SLC25A36: variants seen among roughly 807,000 people sequenced by gnomAD.
SLC25A36 encodes solute carrier family 25 member 36.
In SLC25A36, 24 loss-of-function variants were observed where a neutral mutation model predicts 35.3. That is an observed-to-expected ratio of 0.68 (90% CI 0.49 to 0.96). The LOEUF is 0.96. Among genes scored for constraint, SLC25A36 ranks in the 40% least tolerant of loss-of-function variants. The pLI is 0.00. For synonymous variants in SLC25A36, 141 were observed against 132.2 expected (o/e 1.07, Z -0.46); for missense variants, 294 against 381.1 (o/e 0.77, Z 1.90).
At chr3:140,974,264 T>C (rs1306003066) in intron 6 of SLC25A36, among the ~76,000 whole-genome samples, 1 of 152,038 alleles carries the variant, frequency 6.6e-6, no homozygotes, top group African/African-American at 2.4e-5. Flanking sequence ...TTGGTGACTT[T>C]TGGGCAAGTT....
At position 140,974,001 on chromosome 3, in the gene SLC25A36, A is replaced by G; in HGVS notation, c.738A>G (p.Pro246=). ...SKTCATTIAY[P]HEVVRTRLRE... is the part of the protein sequence containing the mutation. ...CTTGTGCCACAACTATAGCATATCC[A>G]CATGGTAAGAAGAGTTATCTATTAA... The change falls in exon 6 of 7, where the codon CCA becomes CCG. Residue 246 remains proline (P), a synonymous_variant. Transcript: ENST00000324194. 2 of 1,538,868 alleles carry G rather than the reference A, an allele frequency of 1.3e-6. No homozygotes were observed. Among genetic ancestry groups the G allele is most frequent in the South Asian group, 2.5e-5 (2 of 78,464 alleles).
chr3:140,946,867 T>A (rs1298749173), intron 1 of SLC25A36, among the ~76,000 whole-genome samples: 1 of 152,122 alleles, frequency 6.6e-6, no homozygotes, highest in Non-Finnish European at 1.5e-5. Context: ...GAAAGAGGAT[T>A]GGACTAGGGA....
At chr3:140,972,722 C>G (rs1934938269) in intron 5 of SLC25A36, 1 of 152,098 alleles carries the variant, frequency 6.6e-6, no homozygotes, top group Non-Finnish European at 1.5e-5. Flanking sequence ...GAGGAAGGAT[C>G]TTTAATGAAA....
At chr3:140,949,708 A>G (rs1375986290) in intron 1 of SLC25A36, among the ~76,000 whole-genome samples, 1 of 152,252 alleles carries the variant, frequency 6.6e-6, no homozygotes, top group African/African-American at 2.4e-5. Flanking sequence ...TTGATGTTAC[A>G]AAGTAATGAA....
At chr3:140,962,547 C>T (rs1423826918) in intron 3 of SLC25A36, among the ~76,000 whole-genome samples, 1 of 152,118 alleles carries the variant, frequency 6.6e-6, no homozygotes, top group Non-Finnish European at 1.5e-5. Flanking sequence ...ATGTGAATTA[C>T]TGTGTGTGTA....
At chr3:140,976,233 G>A in intron 6 of SLC25A36, 27 bp from the exon 7 acceptor site, 1 of 1,449,754 alleles carries the variant, frequency 6.9e-7, no homozygotes, top group East Asian at 2.3e-5. Context: ...TATCAGTAAT[G>A]TTTAATTTTA....
chr3:140,966,684 T>C, intron 4 of SLC25A36: 1 of 342,122 alleles, frequency 2.9e-6, no homozygotes, highest in Non-Finnish European at 5.8e-6. Context: ...TAAGGCAGAA[T>C]TGATCTTCTT....
At position 140,973,740 on chromosome 3, in the gene SLC25A36, T is replaced by A; in HGVS notation, c.477T>A (p.Gly159=). 6.6e-7 allele frequency: 1 copy of A among 1,526,312 alleles called. No individual in the cohort carries two copies. The highest frequency in any genetic ancestry group is 1.9e-5 in the Admixed American group (1 of 53,822). The allele number at this position is 1,526,312 out of a possible 1,614,324, so 94.5% of individuals were successfully genotyped here. Residue 159 remains glycine, a synonymous_variant, in exon 6 of 7, where the codon GGT becomes GGA. Coordinates refer to ENST00000324194, the MANE Select transcript of SLC25A36 (RefSeq NM_001104647.3). The part of the protein sequence containing the change: ...DARNRGERRM[G]AFECVRKVYQ... Reference sequence around the variant, plus strand: ...GGAACCGCGGGGAAAGGCGAATGGGTGCTTTTGAATGTGTTCGTAAAGTGT... The same window carrying A: ...GGAACCGCGGGGAAAGGCGAATGGGAGCTTTTGAATGTGTTCGTAAAGTGT...
intron 1 of SLC25A36, among the ~76,000 whole-genome samples, chr3:140,951,171 T>C (rs1576477662): frequency 6.6e-6 from 1 of 152,180 alleles, no homozygotes; most frequent in East Asian, 1.9e-4. Flanking sequence ...GGTTGAAAAC[T>C]TGCAGCTGCC....
chr3:140,968,794 G>T, intron 4 of SLC25A36: 1 of 659,460 alleles, frequency 1.5e-6, no homozygotes, highest in Non-Finnish European at 1.9e-6. Flanking sequence ...AAACTTAGGT[G>T]CTCATCTTCT....
At chr3:140,948,903 T>C (rs530934025) in intron 1 of SLC25A36, among the ~76,000 whole-genome samples, 56 of 152,272 alleles carry the variant, frequency 3.7e-4, no homozygotes, top group African/African-American at 1.3e-3. Context: ...ATGGCTGAAA[T>C]TCATCTGCTA....
intron 4 of SLC25A36, chr3:140,970,610 G>T (rs936978696): frequency 6.5e-5 from 11 of 168,006 alleles, no homozygotes; most frequent in African/African-American, 2.4e-4. Flanking sequence ...ATGTCTATGT[G>T]TTTGTAGAGA....
intron 1 of SLC25A36, among the ~76,000 whole-genome samples, chr3:140,952,105 C>T (rs1470306101): frequency 6.6e-6 from 1 of 151,928 alleles, no homozygotes; most frequent in Non-Finnish European, 1.5e-5. Context: ...CAACCTCTGC[C>T]TCCTGGGTTG....
Position 140,942,043 on chromosome 3 carries a change from G to A in SLC25A36, c.-12G>A, listed in dbSNP as rs1432052911. 1 of 1,467,222 alleles carries A rather than the reference G, an allele frequency of 6.8e-7. No homozygotes were observed. Among genetic ancestry groups the A allele is most frequent in the Admixed American group, 2.0e-5 (1 of 48,998 alleles). 90.9% of individuals were successfully genotyped at this position (1,467,222 alleles called of 1,614,324 possible). ...TCCCGCCTCAGCGGCCGGAGGACAT[G>A]CGGGAGAGAGAATGAGCCAGAGGGA... On this transcript the variant is annotated 5_prime_UTR_variant, in exon 1 of 7. The change abolishes an upstream ATG in the 5' untranslated region. Coordinates refer to ENST00000324194, the MANE Select transcript of SLC25A36 (RefSeq NM_001104647.3).
chr3:140,974,341 C>T (rs1443780516), intron 6 of SLC25A36, among the ~76,000 whole-genome samples: 1 of 151,926 alleles, frequency 6.6e-6, no homozygotes, highest in Non-Finnish European at 1.5e-5. Context: ...TACTAATCTA[C>T]ATAAAAATTC....
chr3:140,966,259 T>C (rs1467668012), intron 4 of SLC25A36: 4 of 197,068 alleles, frequency 2.0e-5, no homozygotes, highest in Non-Finnish European at 4.3e-5. Context: ...ATTTTATTTG[T>C]CCATGGCAGT....
chr3:140,942,859 G>A (rs1934054280), intron 1 of SLC25A36: 1 of 152,278 alleles, frequency 6.6e-6, no homozygotes, highest in Non-Finnish European at 1.5e-5. Flanking sequence ...GGGGTGCAAA[G>A]CTTTCCAGTA....
chr3:140,958,957 GTTT>G (rs543256603), intron 2 of SLC25A36, among the ~76,000 whole-genome samples: 1 of 115,788 alleles, frequency 8.6e-6, no homozygotes, highest in South Asian at 3.1e-4. Flanking sequence ...AAAAAACAAT[GTTT>G]TGTGTGTGTG....
intron 5 of SLC25A36, among the ~76,000 whole-genome samples, chr3:140,971,931 A>G (rs1387452044): frequency 6.6e-6 from 1 of 152,202 alleles, no homozygotes; most frequent in Non-Finnish European, 1.5e-5. Context: ...ATCATTAACA[A>G]TTATGCCTGC....
Sources: allele counts gnomAD v4.1 joint callset (sites outside exome capture counted in the v4.1 genomes callset), GRCh38; gene constraint gnomAD v4.1.1; transcripts MANE v1.5; gene names NCBI Gene and HGNC (gene_info 2026-07-23, HGNC 2026-07-21).